The following SLC6A5 variants were observed in gnomAD, a reference collection of about 807,000 sequenced individuals.
The protein encoded by SLC6A5 is sodium- and chloride-dependent glycine transporter 2.
In SLC6A5, 58 loss-of-function variants were observed where a neutral mutation model predicts 90.5. The ratio of observed to expected loss-of-function variants is 0.64; its 90% CI spans 0.52 to 0.80. The LOEUF is 0.80. Among genes scored for constraint, SLC6A5 ranks in the 30% least tolerant of loss-of-function variants. SLC6A5 has a pLI of 0.00. For synonymous variants in SLC6A5, 427 were observed against 401.4 expected (o/e 1.06, Z -0.76); for missense variants, 1,015 against 1,017.6 (o/e 1.00, Z 0.03).
intron 13 of SLC6A5, among the ~76,000 whole-genome samples, chr11:20,646,242 G>C (rs1191666162): frequency 6.6e-6 from 1 of 152,150 alleles, no homozygotes; most frequent in Non-Finnish European, 1.5e-5. Flanking sequence ...GTTGATGAGT[G>C]ACCAAGAAGA....
chr11:20,606,013 GATCAGTTTTCC>G (rs1404415427), intron 3 of SLC6A5, among the ~76,000 whole-genome samples: 1 of 152,242 alleles, frequency 6.6e-6, no homozygotes, highest in East Asian at 1.9e-4. Flanking sequence ...ACTGGAGAAA[GATCAGTTTTCC>G]CTCCGCTGAG....
intron 7 of SLC6A5, among the ~76,000 whole-genome samples, chr11:20,618,479 G>C (rs1264392221): frequency 1.3e-5 from 2 of 152,148 alleles, no homozygotes; most frequent in Non-Finnish European, 2.9e-5. Flanking sequence ...ACTTGGTAAG[G>C]GTCAGTTAGT....
Position 20,607,085 on chromosome 11 carries a change from A to T in SLC6A5, c.758A>T (p.Gln253Leu), listed in dbSNP as rs762290701. 1.2e-6 allele frequency: 2 copies of T among 1,614,052 alleles called. No homozygotes were observed. The highest frequency in any genetic ancestry group is 2.7e-5 in the African/African-American group (2 of 75,014). The change falls in exon 4 of 16, where the codon CAG (glutamine) becomes CTG (leucine). Residue 253 changes from glutamine (Q) to leucine (L), a missense_variant. By Grantham distance (113) the Gln-to-Leu change is moderately radical. Around this residue, in one of 3 missense-constraint regions of SLC6A5, gnomAD observed 567 missense variants for 507.3 expected, o/e 1.12. Transcript: ENST00000525748. ...PIFFLEVSLG[Q>L]FASQGPVSVW... ...TTCTTCTTGGAGGTGTCGCTGGGCC[A>T]GTTTGCCAGCCAGGGACCAGTGTCT... is the stretch of plus-strand genomic sequence containing the variant.
chr11:20,604,546 C>T (rs1852541421), intron 3 of SLC6A5, 122 bp downstream of exon 3: 2 of 1,224,066 alleles, frequency 1.6e-6, no homozygotes, highest in Admixed American at 2.1e-5. Context: ...TCCTTAGGCT[C>T]CAGCCCTACA....
In SLC6A5 at chr11:20,619,338, T is replaced by C. The variant is rs149002490; in HGVS notation, c.1260+1454T>C. Among the ~76,000 whole-genome samples the C allele has an allele frequency of 5.3e-4, 80 of 152,346 alleles. 1 individual carries two copies. Among genetic ancestry groups the C allele is most frequent in the African/African-American group, 1.9e-3 (80 of 41,584 alleles). On this transcript the variant is annotated intron_variant, in intron 7 of 15. Coordinates refer to ENST00000525748, the MANE Select transcript of SLC6A5 (RefSeq NM_004211.5). ...CCGAACTGTCTTCTCCCTGGGGACA[T>C]GGACATTTTTGATTACAGCTTTTAT...
chr11:20,621,864 C>T (rs1590165942), intron 7 of SLC6A5, among the ~76,000 whole-genome samples: 1 of 152,226 alleles, frequency 6.6e-6, no homozygotes, highest in Non-Finnish European at 1.5e-5. Flanking sequence ...TGTTTTCCAG[C>T]AGCTAGAATT....
chr11:20,613,469 A>G (rs1040771754), intron 5 of SLC6A5, among the ~76,000 whole-genome samples: 3 of 152,144 alleles, frequency 2.0e-5, no homozygotes, highest in African/African-American at 7.2e-5. Flanking sequence ...GATTCTTCCT[A>G]TTTAAAATGA....
At chr11:20,615,437 C>T (rs549914731) in intron 6 of SLC6A5, among the ~76,000 whole-genome samples, 21 of 151,992 alleles carry the variant, frequency 1.4e-4, no homozygotes, top group African/African-American at 4.1e-4. Flanking sequence ...GGCGCGATCT[C>T]GGCTCACTGA....
chr11:20,618,944 CGACACACACACACA>C (rs1379972996), intron 7 of SLC6A5, among the ~76,000 whole-genome samples: 1 of 56,814 alleles, frequency 1.8e-5, no homozygotes, highest in Non-Finnish European at 3.7e-5. Context: ...CTGTCCCGCC[CGACACACACACACA>C]CACACACACA....
At chr11:20,650,652 GTTCTTTTTTTTTTT>G (rs1853508078) in intron 14 of SLC6A5, among the ~76,000 whole-genome samples, 1 of 119,130 alleles carries the variant, frequency 8.4e-6, no homozygotes, top group Non-Finnish European at 1.7e-5. Flanking sequence ...GATGACGCCT[GTTCTTTTTTTTTTT>G]TTTTTTTTTT....
intron 7 of SLC6A5, among the ~76,000 whole-genome samples, chr11:20,619,971 C>T (rs555267582): frequency 1.1e-4 from 17 of 152,132 alleles, no homozygotes; most frequent in Non-Finnish European, 2.4e-4. Context: ...CCGAGCATGG[C>T]CTGAGGTTTC....
At chr11:20,617,098 T>C (rs1368693286) in intron 6 of SLC6A5, among the ~76,000 whole-genome samples, 1 of 152,206 alleles carries the variant, frequency 6.6e-6, no homozygotes, top group African/African-American at 2.4e-5. Context: ...CACGATGTCT[T>C]CATTATCTAA....
intron 2 of SLC6A5, 55 bp downstream of exon 2, chr11:20,601,720 G>C (rs950001036): frequency 4.6e-6 from 7 of 1,536,706 alleles, no homozygotes; most frequent in Non-Finnish European, 6.1e-6. Context: ...CTGCGCGAGA[G>C]AGGCCAGCCG....
chr11:20,638,338 T>C (rs1197320929), intron 12 of SLC6A5, 121 bp from the exon 13 acceptor site: 9 of 734,418 alleles, frequency 1.2e-5, no homozygotes, highest in Non-Finnish European at 2.3e-5. Flanking sequence ...GGAGGGGAGA[T>C]GCATGGACTC....
At position 20,606,955 on chromosome 11, in the gene SLC6A5, C is replaced by A; in HGVS notation, c.680-52C>A. 3 of 1,612,804 alleles carry A rather than the reference C, an allele frequency of 1.9e-6. No individual in the cohort carries two copies. In the South Asian group the frequency reaches 3.3e-5, roughly 18 times the overall value. ...CCCTAGCCCAGAGGGTTAAGGAGGG[C>A]AGCAGCCTGCTTTTGCCTCCTAGGG... On this transcript the variant is annotated intron_variant, in intron 3 of 15. Transcript: ENST00000525748.
At position 20,615,396 on chromosome 11, in the gene SLC6A5, T is replaced by G. The variant is rs186720789; in HGVS notation, c.1127+576T>G. Among the ~76,000 whole-genome samples the G allele has an allele frequency of 1.0e-3, 153 of 152,158 alleles. 1 individual carries two copies. The highest frequency in any genetic ancestry group is 2.3e-3 in the Admixed American group (35 of 15,262). On this transcript the variant is annotated intron_variant, in intron 6 of 15. Coordinates refer to ENST00000525748, the MANE Select transcript of SLC6A5 (RefSeq NM_004211.5). The stretch of plus-strand genomic sequence containing the variant: ...TCCTTTTTTTTCTTTTGAGATGGAG[T>G]CTCGCTCTGTTGCCCAGGCTGGAGT...
intron 7 of SLC6A5, among the ~76,000 whole-genome samples, chr11:20,624,339 G>C (rs1414338930): frequency 6.6e-6 from 1 of 151,920 alleles, no homozygotes; most frequent in Non-Finnish European, 1.5e-5. Context: ...TTTTTGTGGA[G>C]ATGGGGTTTC....
At chr11:20,611,459 C>CA (rs1242965000) in intron 5 of SLC6A5, among the ~76,000 whole-genome samples, 4 of 151,940 alleles carry the variant, frequency 2.6e-5, no homozygotes, top group Non-Finnish European at 5.9e-5. Context: ...TCTCAAAAAA[C>CA]AAAAAACAAA....
chr11:20,608,734 C>T (rs4923386), intron 5 of SLC6A5, among the ~76,000 whole-genome samples: 8,433 of 152,188 alleles, frequency 0.055, 632 homozygotes, highest in East Asian at 0.35. Context: ...TCTGTATGAT[C>T]GGCTCTTAGT....
Sources: allele counts gnomAD v4.1 joint callset (sites outside exome capture counted in the v4.1 genomes callset), GRCh38; gene constraint gnomAD v4.1.1; regional missense constraint gnomAD v4.1.1; transcripts MANE v1.5; gene names NCBI Gene and HGNC (gene_info 2026-07-23, HGNC 2026-07-21).